CSMD1: variants seen among roughly 807,000 people sequenced by gnomAD.
CSMD1 encodes the protein CUB and sushi domain-containing protein 1.
CSMD1 carries 213 observed loss-of-function variants against 417.5 expected under a neutral mutation model. That is an observed-to-expected ratio of 0.51 (90% CI 0.46 to 0.57). The LOEUF is 0.57. Among genes scored for constraint, CSMD1 ranks in the 20% least tolerant of loss-of-function variants. The probability of loss-of-function intolerance (pLI) is 0.00; values close to 1 mark genes in which losing one functional copy is unlikely to be tolerated. For missense variants in CSMD1, 6,923 were observed against 4,529.7 expected (o/e 1.53, Z -15.17); for synonymous variants, 2,862 against 1,736.8 (o/e 1.65, Z -16.11).
intron 3 of CSMD1, among the ~76,000 whole-genome samples, chr8:4,321,294 C>T (rs566053940): frequency 6.6e-6 from 1 of 152,222 alleles, no homozygotes; most frequent in African/African-American, 2.4e-5. Context: ...TCAGAGCTGA[C>T]CCAGTCTCTT....
intron 3 of CSMD1, among the ~76,000 whole-genome samples, chr8:4,184,480 G>A (rs188895331): frequency 7.2e-5 from 11 of 152,248 alleles, no homozygotes; most frequent in Admixed American, 2.6e-4. Context: ...ACCAATGGCA[G>A]ACTGGATAAA....
intron 3 of CSMD1, among the ~76,000 whole-genome samples, chr8:4,314,958 T>C (rs1262342307): frequency 6.6e-6 from 1 of 152,084 alleles, no homozygotes; most frequent in Non-Finnish European, 1.5e-5. Context: ...TTCTACATGG[T>C]GGGAGGAGGT....
intron 23 of CSMD1, among the ~76,000 whole-genome samples, chr8:3,317,401 G>A (rs181474344): frequency 6.6e-6 from 1 of 152,204 alleles, no homozygotes; most frequent in East Asian, 1.9e-4. Flanking sequence ...TATAGGCATA[G>A]ACAGTATGAG....
intron 3 of CSMD1, among the ~76,000 whole-genome samples, chr8:4,063,935 G>A (rs892501379): frequency 6.6e-6 from 1 of 152,112 alleles, no homozygotes; most frequent in Admixed American, 6.5e-5. Flanking sequence ...CTTTCATCCA[G>A]ATTTCATTAA....
intron 3 of CSMD1, among the ~76,000 whole-genome samples, chr8:4,355,339 G>A (rs35619067): frequency 0.75 from 114,084 of 151,436 alleles, 43,346 homozygotes; most frequent in African/African-American, 0.86. Context: ...ACACACACAC[G>A]TATATATGAT....
chr8:4,947,431 T>C (rs568585565), intron 1 of CSMD1, among the ~76,000 whole-genome samples: 1 of 152,002 alleles, frequency 6.6e-6, no homozygotes, highest in Non-Finnish European at 1.5e-5. Flanking sequence ...TTTTCTCACA[T>C]AGGTAAGAAA....
chr8:3,668,094 G>T (rs55925107), intron 7 of CSMD1, among the ~76,000 whole-genome samples: 1 of 152,008 alleles, frequency 6.6e-6, no homozygotes, highest in Non-Finnish European at 1.5e-5. Context: ...TCTACCCCTG[G>T]GCTAGAAGGC....
At chr8:4,501,368 A>T (rs1005428299) in intron 2 of CSMD1, among the ~76,000 whole-genome samples, 19 of 152,130 alleles carry the variant, frequency 1.2e-4, no homozygotes, top group African/African-American at 4.3e-4. Context: ...TTTTATTTTT[A>T]TTAGGCATCA....
intron 4 of CSMD1, among the ~76,000 whole-genome samples, chr8:4,022,471 G>C (rs1335959167): frequency 1.3e-5 from 2 of 152,108 alleles, no homozygotes; most frequent in Admixed American, 6.5e-5. Context: ...TTGCAGCCTT[G>C]CTCAGGTTTA....
At chr8:4,036,152 A>G (rs1797605826) in intron 3 of CSMD1, among the ~76,000 whole-genome samples, 1 of 152,184 alleles carries the variant, frequency 6.6e-6, no homozygotes, top group South Asian at 2.1e-4. Flanking sequence ...GTAGGCCGCA[A>G]AACTTGGGTT....
chr8:4,577,060 G>A (rs1159311608), intron 2 of CSMD1, among the ~76,000 whole-genome samples: 1 of 152,016 alleles, frequency 6.6e-6, no homozygotes, highest in Non-Finnish European at 1.5e-5. Flanking sequence ...ATTACGAACA[G>A]GCCAAAAATG....
chr8:3,581,412 A>C (rs1800377284), intron 9 of CSMD1, among the ~76,000 whole-genome samples: 1 of 152,220 alleles, frequency 6.6e-6, no homozygotes, highest in African/African-American at 2.4e-5. Flanking sequence ...TAACAGGAAG[A>C]AAAGGTAATG....
At chr8:3,404,221 T>C (rs1585113303) in intron 15 of CSMD1, among the ~76,000 whole-genome samples, 1 of 151,952 alleles carries the variant, frequency 6.6e-6, no homozygotes, top group Non-Finnish European at 1.5e-5. Context: ...GTAGTCCCAG[T>C]TACTCAGGAA....
intron 3 of CSMD1, among the ~76,000 whole-genome samples, chr8:4,193,644 G>C (rs1471781044): frequency 3.3e-5 from 5 of 152,118 alleles, no homozygotes; most frequent in African/African-American, 9.7e-5. Context: ...GGGAGGCCCA[G>C]TGTTTAGTAT....
intron 1 of CSMD1, among the ~76,000 whole-genome samples, chr8:4,853,771 T>C (rs901020554): frequency 6.6e-6 from 1 of 152,090 alleles, no homozygotes; most frequent in African/African-American, 2.4e-5. Flanking sequence ...CTCCAGCACA[T>C]GAAAGCAGCC....
intron 2 of CSMD1, among the ~76,000 whole-genome samples, chr8:4,563,986 A>G (rs1048200258): frequency 1.3e-5 from 2 of 152,238 alleles, no homozygotes; most frequent in African/African-American, 2.4e-5. Context: ...ACATCTGCAG[A>G]TTCCCAGGAA....
chr8:4,779,725 G>T (rs919623716), intron 1 of CSMD1, among the ~76,000 whole-genome samples: 4 of 152,024 alleles, frequency 2.6e-5, no homozygotes, highest in South Asian at 2.1e-4. Flanking sequence ...AAAACCAAAG[G>T]AAAGTGTAAA....
intron 25 of CSMD1, among the ~76,000 whole-genome samples, chr8:3,297,844 G>GA (rs139862404): frequency 3.3e-5 from 5 of 151,486 alleles, no homozygotes; most frequent in Non-Finnish European, 5.9e-5. Flanking sequence ...TAACCGTAAA[G>GA]AAAAAAAATG....
chr8:4,030,607 G>A (rs754071277), intron 4 of CSMD1, among the ~76,000 whole-genome samples: 12 of 152,180 alleles, frequency 7.9e-5, no homozygotes, highest in African/African-American at 2.9e-4. Flanking sequence ...GATGGGAGGG[G>A]TTGCTGTGAA....
Sources: allele counts gnomAD v4.1 joint callset (sites outside exome capture counted in the v4.1 genomes callset), GRCh38; gene constraint gnomAD v4.1.1; transcripts MANE v1.5; gene names NCBI Gene and HGNC (gene_info 2026-07-23, HGNC 2026-07-21).